Variants in PCDHGB1 observed in about 807,000 individuals in gnomAD.
PCDHGB1 encodes protocadherin gamma-B1.
PCDHGB1 carries 34 observed loss-of-function variants against 56.6 expected under a neutral mutation model. The ratio of observed to expected loss-of-function variants is 0.60; its 90% CI spans 0.46 to 0.80. The LOEUF is 0.80. PCDHGB1 is among the 30% of genes least tolerant of loss of function. The pLI, the probability that PCDHGB1 is intolerant of heterozygous loss-of-function variation, is 0.00. For missense variants in PCDHGB1, 1,278 were observed against 1,204.6 expected (o/e 1.06, Z -0.90); for synonymous variants, 561 against 505.9 (o/e 1.11, Z -1.46).
At chr5:141,360,289 A>G in intron 1 of PCDHGB1, 6 of 1,613,996 alleles carry the variant, frequency 3.7e-6, no homozygotes, top group Middle Eastern at 1.6e-4. Flanking sequence ...AAACCTCGCC[A>G]AGGATCTGGG....
At position 141,371,103 on chromosome 5, in the gene PCDHGB1, G is replaced by T. The variant is rs1232346882; in HGVS notation, c.2409+18434G>T. The stretch of plus-strand genomic sequence containing the variant: ...CAGGGTAATTGTCGCAGATGCAAAT[G>T]ATAACCCCCCAGTATTTACTCAGGA... On this transcript the variant is annotated intron_variant, in intron 1 of 3. Transcript: ENST00000523390. 4 of 1,613,708 alleles carry T rather than the reference G, an allele frequency of 2.5e-6. No individual in the cohort carries two copies. The African/African-American group carries it at 5.3e-5, about 22-fold the overall frequency.
At position 141,403,513 on chromosome 5, in the gene PCDHGB1, T is replaced by G. The variant is rs754840157; in HGVS notation, c.2409+50844T>G. ...CCCTGAACGTGCAGACTGGAGACAATGGAGCCATAAACCCAGAGCTGGTGC... is the reference window on the plus strand; with the variant it reads ...CCCTGAACGTGCAGACTGGAGACAAGGGAGCCATAAACCCAGAGCTGGTGC... On this transcript the variant is annotated intron_variant, in intron 1 of 3. Coordinates refer to ENST00000523390, the MANE Select transcript of PCDHGB1 (RefSeq NM_018922.3). 8.1e-5 allele frequency: 131 copies of G among 1,613,832 alleles called. 1 individual carries two copies. In the African/African-American group the frequency reaches 1.2e-3, roughly 15 times the overall value.
At chr5:141,494,183 G>A (rs971032835) in intron 1 of PCDHGB1, among the ~76,000 whole-genome samples, 2 of 152,146 alleles carry the variant, frequency 1.3e-5, no homozygotes, top group Non-Finnish European at 2.9e-5. Context: ...GAAGTGTCCC[G>A]GGACTTGGAT....
chr5:141,400,231 G>T (rs572459159), intron 1 of PCDHGB1: 62 of 1,613,870 alleles, frequency 3.8e-5, no homozygotes, highest in Non-Finnish European at 5.1e-5. Flanking sequence ...CTTCCTCCTG[G>T]CCGTGATTCT....
At chr5:141,363,810 T>C (rs1763071623) in intron 1 of PCDHGB1, among the ~76,000 whole-genome samples, 1 of 152,204 alleles carries the variant, frequency 6.6e-6, no homozygotes, top group Non-Finnish European at 1.5e-5. Flanking sequence ...AAATCTTGAA[T>C]CCTACAAAGG....
At chr5:141,452,966 G>T (rs996204633) in intron 1 of PCDHGB1, among the ~76,000 whole-genome samples, 6 of 152,098 alleles carry the variant, frequency 3.9e-5, no homozygotes, top group Admixed American at 1.3e-4. Context: ...TAAACTGAGG[G>T]TATATTGTCA....
chr5:141,350,852 G>A lies in PCDHGB1; in HGVS notation c.592G>A (p.Asp198Asn). The A allele has an allele frequency of 6.2e-7, 1 of 1,614,062 alleles. No homozygotes were observed. Among genetic ancestry groups the A allele is most frequent in the Non-Finnish European group, 8.5e-7 (1 of 1,179,914 alleles). ...GGTATTACTGCTGGAAAAACCTCTA[G>A]ACAGGGAACATCAGAGCTCTCATCG... ...YPVLLLEKPL[D>N]REHQSSHRLI... The change falls in exon 1 of 4, where the codon GAC becomes AAC. Residue 198 changes from aspartate to asparagine, a missense_variant. Transcript: ENST00000523390.
chr5:141,360,997 G>T (rs766404886), intron 1 of PCDHGB1: 2 of 1,613,544 alleles, frequency 1.2e-6, no homozygotes, highest in Admixed American at 1.7e-5. Flanking sequence ...GGACGAACAA[G>T]TGAAACACTT....
At chr5:141,418,922 C>A in intron 1 of PCDHGB1, 1 of 1,613,994 alleles carries the variant, frequency 6.2e-7, no homozygotes, top group Non-Finnish European at 8.5e-7. Context: ...ACTCTCTGAT[C>A]AGATTATGGA....
chr5:141,503,307 G>T (rs1042228003), intron 2 of PCDHGB1, among the ~76,000 whole-genome samples: 5 of 152,096 alleles, frequency 3.3e-5, no homozygotes, highest in African/African-American at 1.2e-4. Context: ...GCTCAAGAAA[G>T]AATTGTTGGA....
Position 141,476,836 on chromosome 5 carries a change from T to G in PCDHGB1, c.2410-17971T>G. 1 of 1,613,652 alleles carries G rather than the reference T, an allele frequency of 6.2e-7. No homozygotes were observed. The highest frequency in any genetic ancestry group is 8.5e-7 in the Non-Finnish European group (1 of 1,180,042). On this transcript the variant is annotated intron_variant, in intron 1 of 3. Coordinates refer to ENST00000523390, the MANE Select transcript of PCDHGB1 (RefSeq NM_018922.3). The surrounding 1 kb of genome is among the most constrained non-coding windows in gnomAD (Gnocchi z 7.6). ...TCAAGGTGCTGGACGCGAATGACAATGCGCCTGTCTTCAACCAGTCCTTGT... is the reference window on the plus strand; with the variant it reads ...TCAAGGTGCTGGACGCGAATGACAAGGCGCCTGTCTTCAACCAGTCCTTGT...
At chr5:141,383,357 CG>C (rs1779064068) in intron 1 of PCDHGB1, 2 of 1,613,956 alleles carry the variant, frequency 1.2e-6, no homozygotes, top group Non-Finnish European at 1.7e-6. Flanking sequence ...GTTCGGTTTC[CG>C]TTAAGCGAGG....
intron 1 of PCDHGB1, chr5:141,365,857 T>C: frequency 1.2e-6 from 2 of 1,614,066 alleles, no homozygotes; most frequent in Non-Finnish European, 1.7e-6. Context: ...CCATTAACTC[T>C]GACACCGGTG....
chr5:141,399,584 C>A (rs765946308), intron 1 of PCDHGB1: 34 of 1,613,904 alleles, frequency 2.1e-5, no homozygotes, highest in Non-Finnish European at 2.6e-5. Context: ...GTCTCCTACT[C>A]TATCATGGCC....
intron 1 of PCDHGB1, among the ~76,000 whole-genome samples, chr5:141,381,836 T>TCTTCTTC (rs1247595630): frequency 6.4e-5 from 9 of 139,950 alleles, no homozygotes; most frequent in African/African-American, 2.6e-4. Flanking sequence ...CTTTTTTTTT[T>TCTTCTTC]TTTTTTTTTT....
At chr5:141,447,121 T>C (rs1341601610) in intron 1 of PCDHGB1, among the ~76,000 whole-genome samples, 1 of 152,104 alleles carries the variant, frequency 6.6e-6, no homozygotes, top group Non-Finnish European at 1.5e-5. Flanking sequence ...CTCCATGGAT[T>C]TTTTTGTTTG....
rs1292747996 is a variant in PCDHGB1, at chr5:141,475,972, T to C, written c.2410-18835T>C. 2.0e-5 allele frequency: 19 copies of C among 963,712 alleles called. No individual in the cohort carries two copies. In the East Asian group the frequency reaches 3.4e-4, roughly 17 times the overall value. The allele number at this position is 963,712 out of a possible 1,614,324, so 59.7% of individuals were successfully genotyped here. A position where few individuals can be genotyped will look rare whatever the true frequency, so the allele number is the denominator to read the frequency against. ...CTGCGCCCCGGGATGAGGCAGAGAC[T>C]GAACAGCCGGCGAGCAAATCAACGG... On this transcript the variant is annotated intron_variant, in intron 1 of 3. Transcript: ENST00000523390.
intron 1 of PCDHGB1, among the ~76,000 whole-genome samples, chr5:141,474,185 C>A (rs1481544975): frequency 6.6e-6 from 1 of 152,180 alleles, no homozygotes; most frequent in Non-Finnish European, 1.5e-5. Flanking sequence ...AAACTACTTA[C>A]ATTTTTAAAA....
Position 141,361,114 on chromosome 5 carries a change from C to G in PCDHGB1, c.2409+8445C>G, listed in dbSNP as rs1440406378. 11 of 1,613,872 alleles carry G rather than the reference C, an allele frequency of 6.8e-6. No individual in the cohort carries two copies. The highest frequency in any genetic ancestry group is 4.5e-5 in the East Asian group (2 of 44,896). On this transcript the variant is annotated intron_variant, in intron 1 of 3. Coordinates refer to ENST00000523390, the MANE Select transcript of PCDHGB1 (RefSeq NM_018922.3). Reference sequence around the variant, plus strand: ...TATCGAAGCAAAAGATCCTGGAGATCTAGCAGCCCACTGCAGTATCCAAGT... The same window carrying G: ...TATCGAAGCAAAAGATCCTGGAGATGTAGCAGCCCACTGCAGTATCCAAGT...
Sources: gnomAD v4.1 joint callset for allele counts (sites outside exome capture counted in the v4.1 genomes callset) on GRCh38, gnomAD v4.1.1 for gene constraint, Gnocchi (gnomAD v3.1) non-coding constraint, MANE v1.5 for transcripts, NCBI Gene and HGNC (gene_info 2026-07-23, HGNC 2026-07-21) for gene names.